Variants in SOX5 observed in about 807,000 individuals in gnomAD.
SOX5 encodes the protein SRY-box transcription factor 5.
SOX5 carries 9 observed loss-of-function variants against 92.0 expected under a neutral mutation model. That is an observed-to-expected ratio of 0.10 (90% CI 0.06 to 0.17). The LOEUF (loss-of-function observed/expected upper bound fraction) is 0.17, where lower values mean the gene tolerates loss of function less well. SOX5 is among the 10% of genes least tolerant of loss of function. The pLI, the probability that SOX5 is intolerant of heterozygous loss-of-function variation, is 1.00. For missense variants in SOX5, 642 were observed against 944.5 expected (o/e 0.68, Z 4.20); for synonymous variants, 344 against 336.3 (o/e 1.02, Z -0.25).
chr12:24,290,865 G>A (rs1378288488), intron 2 of SOX5, among the ~76,000 whole-genome samples: 2 of 152,174 alleles, frequency 1.3e-5, no homozygotes, highest in African/African-American at 2.4e-5. Flanking sequence ...AGTCTTAAAG[G>A]ATGATTAGAA....
rs138962888 is a variant in SOX5, at chr12:23,834,552, T to G, written c.481+11431A>C. On this transcript the variant is annotated intron_variant, in intron 3 of 14. Coordinates refer to ENST00000451604, the MANE Select transcript of SOX5 (RefSeq NM_006940.6). Reference sequence around the variant, plus strand: ...CAGGAGAGTTGGACATTTGTTAAGGTCTCTCCTTTCCTTTACCCAAGGCAG... The same window carrying G: ...CAGGAGAGTTGGACATTTGTTAAGGGCTCTCCTTTCCTTTACCCAAGGCAG... 1.5e-3 allele frequency among the ~76,000 whole-genome samples: 235 copies of G among 151,928 alleles called. 3 individuals are homozygous for G. Among genetic ancestry groups the G allele is most frequent in the Non-Finnish European group, 6.9e-4 (47 of 67,862 alleles).
chr12:23,584,410 G>T, intron 9 of SOX5: 1 of 724,574 alleles, frequency 1.4e-6, no homozygotes, highest in Non-Finnish European at 2.5e-6. Context: ...AGTTTGGTCT[G>T]GTTATACGCA....
chr12:23,973,160 CTTTTTTTTTT>C (rs60609193), intron 4 of SOX5, among the ~76,000 whole-genome samples: 6 of 111,998 alleles, frequency 5.4e-5, no homozygotes, highest in African/African-American at 1.7e-4. Context: ...TAACTTTTTT[CTTTTTTTTTT>C]TTTTTTTTTG....
intron 4 of SOX5, among the ~76,000 whole-genome samples, chr12:24,078,453 T>G (rs1942922767): frequency 6.6e-6 from 1 of 152,054 alleles, no homozygotes; most frequent in Non-Finnish European, 1.5e-5. Context: ...AAAGCTCTAT[T>G]GGAGTGAGAG....
chr12:23,661,949 G>T (rs1379959618), intron 7 of SOX5, among the ~76,000 whole-genome samples: 1 of 152,016 alleles, frequency 6.6e-6, no homozygotes, highest in Non-Finnish European at 1.5e-5. Context: ...TATACAGTCT[G>T]GTGTGTGTTT....
At chr12:24,265,954 G>GT (rs1245626747) in intron 3 of SOX5, among the ~76,000 whole-genome samples, 1 of 152,086 alleles carries the variant, frequency 6.6e-6, no homozygotes, top group Non-Finnish European at 1.5e-5. Context: ...AAGTTGGAGT[G>GT]CAGTGGCATG....
At chr12:24,378,841 G>T (rs1957542255) in intron 1 of SOX5, among the ~76,000 whole-genome samples, 1 of 152,174 alleles carries the variant, frequency 6.6e-6, no homozygotes, top group Non-Finnish European at 1.5e-5. Flanking sequence ...CTTTTAAAAA[G>T]ACAGTGCTCT....
At chr12:23,550,154 C>G in intron 11 of SOX5, among the ~76,000 whole-genome samples, 1 of 151,882 alleles carries the variant, frequency 6.6e-6, no homozygotes, top group East Asian at 1.9e-4. Flanking sequence ...GAGATATGGA[C>G]ACTTTGTTGA....
intron 4 of SOX5, among the ~76,000 whole-genome samples, chr12:24,001,712 G>A (rs1181182133): frequency 6.6e-6 from 1 of 152,168 alleles, no homozygotes; most frequent in East Asian, 1.9e-4. Flanking sequence ...AACTGTATTT[G>A]TGTATTTGTG....
chr12:24,387,391 T>C (rs575980410), intron 1 of SOX5, among the ~76,000 whole-genome samples: 10 of 152,312 alleles, frequency 6.6e-5, no homozygotes, highest in Admixed American at 3.3e-4. Context: ...CTATCGTTAG[T>C]GTTAGTGTAC....
chr12:23,862,690 C>G (rs2096769193), intron 2 of SOX5, among the ~76,000 whole-genome samples: 1 of 152,128 alleles, frequency 6.6e-6, no homozygotes, highest in Non-Finnish European at 1.5e-5. Context: ...CTTATTCTTT[C>G]AATCTGACAA....
At chr12:23,826,555 T>C (rs923045593) in intron 3 of SOX5, among the ~76,000 whole-genome samples, 1 of 152,130 alleles carries the variant, frequency 6.6e-6, no homozygotes, top group Non-Finnish European at 1.5e-5. Flanking sequence ...ATATAAGGAC[T>C]GACAACTGAC....
intron 3 of SOX5, among the ~76,000 whole-genome samples, chr12:23,796,907 T>TTTA (rs2095572985): frequency 6.9e-6 from 1 of 144,284 alleles, no homozygotes; most frequent in East Asian, 2.0e-4. Flanking sequence ...ATATATATAT[T>TTTA]TATATATATA....
At chr12:24,255,854 A>G (rs1242852114) in intron 3 of SOX5, among the ~76,000 whole-genome samples, 2 of 152,226 alleles carry the variant, frequency 1.3e-5, no homozygotes, top group Non-Finnish European at 2.9e-5. Flanking sequence ...TATTTCATAA[A>G]GCCATGACTT....
At chr12:23,634,042 G>A (rs2078900790) in intron 8 of SOX5, among the ~76,000 whole-genome samples, 1 of 152,052 alleles carries the variant, frequency 6.6e-6, no homozygotes. Context: ...AAAACATCAA[G>A]TTCCCTGGCC....
intron 9 of SOX5, among the ~76,000 whole-genome samples, chr12:23,595,832 C>A (rs1952319782): frequency 6.6e-6 from 1 of 152,054 alleles, no homozygotes; most frequent in African/African-American, 2.4e-5. Flanking sequence ...GCAAGCTATT[C>A]CAGTTATGAG....
chr12:24,128,402 T>G (rs1949318994), intron 4 of SOX5, among the ~76,000 whole-genome samples: 1 of 152,052 alleles, frequency 6.6e-6, no homozygotes, highest in African/African-American at 2.4e-5. Flanking sequence ...AAATAAACAG[T>G]CAAAATGATA....
At chr12:24,349,100 G>A (rs553811410) in intron 2 of SOX5, among the ~76,000 whole-genome samples, 11 of 152,274 alleles carry the variant, frequency 7.2e-5, no homozygotes, top group African/African-American at 2.2e-4. Flanking sequence ...CTCAACTGAC[G>A]GATTTAGATT....
chr12:23,824,428 G>A (rs2096187949), intron 3 of SOX5, among the ~76,000 whole-genome samples: 1 of 152,200 alleles, frequency 6.6e-6, no homozygotes, highest in Non-Finnish European at 1.5e-5. Flanking sequence ...GACCCTGTTT[G>A]CCTGGTTATC....
Sources: allele counts gnomAD v4.1 joint callset (sites outside exome capture counted in the v4.1 genomes callset), GRCh38; gene constraint gnomAD v4.1.1; transcripts MANE v1.5; gene names NCBI Gene and HGNC (gene_info 2026-07-23, HGNC 2026-07-21).